PALLD: variants seen among roughly 807,000 people sequenced by gnomAD.
PALLD encodes palladin.
In PALLD, 61 loss-of-function variants were observed where a neutral mutation model predicts 123.5. That is an observed-to-expected ratio of 0.49 (90% confidence interval 0.40 to 0.61). The LOEUF is 0.61. Among genes scored for constraint, PALLD ranks in the 20% least tolerant of loss-of-function variants. The probability of loss-of-function intolerance (pLI) is 0.00; values close to 1 mark genes in which losing one functional copy is unlikely to be tolerated. For synonymous variants in PALLD, 465 were observed against 496.4 expected (o/e 0.94, Z 0.84); for missense variants, 1,273 against 1,377.0 (o/e 0.92, Z 1.20).
chr4:168,678,252 T>C (rs1781067306), intron 3 of PALLD, among the ~76,000 whole-genome samples: 1 of 152,172 alleles, frequency 6.6e-6, no homozygotes, highest in Admixed American at 6.5e-5. Context: ...TGTCCTTGTC[T>C]ATAAATTGGA....
chr4:168,718,214 A>G (rs1352199482), intron 10 of PALLD, among the ~76,000 whole-genome samples: 1 of 152,190 alleles, frequency 6.6e-6, no homozygotes, highest in Non-Finnish European at 1.5e-5. Context: ...AGATCTCACT[A>G]TATTACTGTT....
intron 2 of PALLD, among the ~76,000 whole-genome samples, chr4:168,639,013 G>A (rs1383745071): frequency 6.6e-6 from 1 of 152,068 alleles, no homozygotes; most frequent in Non-Finnish European, 1.5e-5. Context: ...CTCAGAAGCA[G>A]ATACTTCCCC....
chr4:168,738,214 G>T (rs1417410567), intron 10 of PALLD, among the ~76,000 whole-genome samples: 1 of 152,064 alleles, frequency 6.6e-6, no homozygotes, highest in Non-Finnish European at 1.5e-5. Context: ...CTATAACCAA[G>T]ATTTCATTCG....
chr4:168,559,419 G>T (rs1240574448), intron 2 of PALLD, among the ~76,000 whole-genome samples: 1 of 152,054 alleles, frequency 6.6e-6, no homozygotes, highest in Non-Finnish European at 1.5e-5. Flanking sequence ...GCTCATGAAC[G>T]AGTAAACTAT....
At chr4:168,890,833 C>T in intron 10 of PALLD, 89 bp from the exon 11 acceptor site, 1 of 1,308,468 alleles carries the variant, frequency 7.6e-7, no homozygotes, top group South Asian at 1.2e-5. Flanking sequence ...CATGCTGATA[C>T]CTTGCACTGT....
At chr4:168,737,351 T>C (rs188906466) in intron 10 of PALLD, among the ~76,000 whole-genome samples, 2 of 152,264 alleles carry the variant, frequency 1.3e-5, no homozygotes, top group East Asian at 3.9e-4. Flanking sequence ...GAGTGCCAGA[T>C]GGAGAAGACA....
chr4:168,713,123 C>T (rs1341567145), intron 10 of PALLD, among the ~76,000 whole-genome samples: 2 of 152,084 alleles, frequency 1.3e-5, no homozygotes, highest in Non-Finnish European at 1.5e-5. Flanking sequence ...ATATTGCTAC[C>T]CTCTACTTAA....
chr4:168,874,245 A>T (rs1308718342), intron 10 of PALLD, among the ~76,000 whole-genome samples: 1 of 152,168 alleles, frequency 6.6e-6, no homozygotes, highest in Non-Finnish European at 1.5e-5. Context: ...TTTGTCATGT[A>T]CCATTCTGCC....
At chr4:168,723,505 A>G (rs577768999) in intron 10 of PALLD, among the ~76,000 whole-genome samples, 1 of 152,330 alleles carries the variant, frequency 6.6e-6, no homozygotes, top group African/African-American at 2.4e-5. Flanking sequence ...AAGGAATCCC[A>G]TAGGCAATAG....
chr4:168,749,493 G>T (rs1016513575), intron 10 of PALLD, among the ~76,000 whole-genome samples: 1 of 151,602 alleles, frequency 6.6e-6, no homozygotes, highest in East Asian at 1.9e-4. Context: ...GATCACCTAA[G>T]GCCAGAAGTT....
chr4:168,710,401 C>A (rs187371305), intron 9 of PALLD, among the ~76,000 whole-genome samples: 1 of 151,910 alleles, frequency 6.6e-6, no homozygotes, highest in African/African-American at 2.4e-5. Context: ...TGTTTTTGAC[C>A]AAGCCTGGAA....
At chr4:168,646,313 A>G (rs1777445618) in intron 2 of PALLD, among the ~76,000 whole-genome samples, 1 of 152,142 alleles carries the variant, frequency 6.6e-6, no homozygotes, top group Non-Finnish European at 1.5e-5. Flanking sequence ...ATTGATGGTA[A>G]ATTCCCTCTG....
intron 10 of PALLD, among the ~76,000 whole-genome samples, chr4:168,727,316 G>A (rs1484117446): frequency 6.6e-6 from 1 of 152,024 alleles, no homozygotes; most frequent in Non-Finnish European, 1.5e-5. Context: ...CTTTTCACAG[G>A]GGCTGAACTA....
intron 10 of PALLD, among the ~76,000 whole-genome samples, chr4:168,839,667 C>A (rs998805451): frequency 6.6e-6 from 1 of 151,934 alleles, no homozygotes; most frequent in Non-Finnish European, 1.5e-5. Flanking sequence ...TAGATGGAGC[C>A]GCCGTTTTAC....
chr4:168,769,748 A>G (rs1481857179), intron 10 of PALLD, among the ~76,000 whole-genome samples: 2 of 152,224 alleles, frequency 1.3e-5, no homozygotes, highest in African/African-American at 2.4e-5. Flanking sequence ...AGGAAAATCT[A>G]GAGGAACACT....
At chr4:168,704,127 T>G (rs2150173169) in intron 8 of PALLD, among the ~76,000 whole-genome samples, 1 of 151,520 alleles carries the variant, frequency 6.6e-6, no homozygotes, top group South Asian at 2.1e-4. Flanking sequence ...AAACAGGCAA[T>G]GGGGAAAGGA....
chr4:168,538,709 T>A (rs1157163971), intron 2 of PALLD, among the ~76,000 whole-genome samples: 1 of 152,154 alleles, frequency 6.6e-6, no homozygotes, highest in Non-Finnish European at 1.5e-5. Context: ...AAAAAACGTC[T>A]CCCAACTCTA....
At chr4:168,536,567 G>A (rs574168720) in intron 2 of PALLD, 2 of 152,144 alleles carry the variant, frequency 1.3e-5, no homozygotes, top group African/African-American at 2.4e-5. Context: ...GGAAGGCAAA[G>A]GGAAAGCAAG....
chr4:168,890,105 T>C (rs1430342234), intron 10 of PALLD, among the ~76,000 whole-genome samples: 4 of 152,136 alleles, frequency 2.6e-5, no homozygotes, highest in Admixed American at 6.5e-5. Context: ...GGAAGAAAAA[T>C]AGGAAGCAAC....
Sources: allele counts gnomAD v4.1 joint callset (sites outside exome capture counted in the v4.1 genomes callset), GRCh38; gene constraint gnomAD v4.1.1; transcripts MANE v1.5; gene names NCBI Gene and HGNC (gene_info 2026-07-23, HGNC 2026-07-21).